Variants in CDH11 observed in about 807,000 individuals in gnomAD.
CDH11 encodes the protein cadherin 11.
In CDH11, 11 loss-of-function variants were observed where a neutral mutation model predicts 67.8. The ratio of observed to expected loss-of-function variants is 0.16; its 90% confidence interval spans 0.10 to 0.27. CDH11 has a LOEUF of 0.27. Ranked by LOEUF, CDH11 falls within the 10% of genes least tolerant of loss-of-function variation. The pLI is 1.00. For synonymous variants in CDH11, 419 were observed against 400.0 expected (o/e 1.05, Z -0.57); for missense variants, 847 against 1,031.2 (o/e 0.82, Z 2.45).
chr16:65,032,791 C>A (rs1425150362), intron 2 of CDH11, among the ~76,000 whole-genome samples: 1 of 152,174 alleles, frequency 6.6e-6, no homozygotes, highest in Non-Finnish European at 1.5e-5. Flanking sequence ...GTTGCAGTGG[C>A]GTTATACTTG....
At position 65,053,880 on chromosome 16, in the gene CDH11, C is replaced by A. The variant is rs1405589277; in HGVS notation, c.-249G>T. Reference sequence around the variant, plus strand: ...ATCTGATTGGTCACTCAACAAATGACAACACGAAGGAATGTCACAGGGCCG... The same window carrying A: ...ATCTGATTGGTCACTCAACAAATGAAAACACGAAGGAATGTCACAGGGCCG... On this transcript the variant is annotated 5_prime_UTR_variant, in exon 2 of 13. Coordinates refer to ENST00000268603, the MANE Select transcript of CDH11 (RefSeq NM_001797.4). 1 of 456,028 alleles carries A rather than the reference C, an allele frequency of 2.2e-6. No homozygotes were observed. The highest frequency in any genetic ancestry group is 1.5e-5 in the South Asian group (1 of 64,562). 28.2% of individuals were successfully genotyped at this position (456,028 alleles called of 1,614,324 possible).
intron 2 of CDH11, among the ~76,000 whole-genome samples, chr16:65,042,345 G>A (rs193041195): frequency 6.6e-6 from 1 of 152,310 alleles, no homozygotes; most frequent in East Asian, 1.9e-4. Flanking sequence ...ATGACTACAG[G>A]GTGGGTGGAG....
At chr16:65,115,424 A>C (rs1209297499) in intron 1 of CDH11, among the ~76,000 whole-genome samples, 1 of 152,188 alleles carries the variant, frequency 6.6e-6, no homozygotes, top group Non-Finnish European at 1.5e-5. Context: ...AATGGATAAG[A>C]AAGAACTGCT....
intron 2 of CDH11, among the ~76,000 whole-genome samples, chr16:65,025,201 TC>T (rs2073507409): frequency 6.6e-6 from 1 of 152,176 alleles, no homozygotes. Flanking sequence ...CCTCCCTCAT[TC>T]CTAAGTTAAT....
chr16:65,016,082 T>C (rs1388638299), intron 2 of CDH11, among the ~76,000 whole-genome samples: 1 of 152,190 alleles, frequency 6.6e-6, no homozygotes, highest in East Asian at 1.9e-4. Flanking sequence ...AGGACTTCTT[T>C]CTAATGTACC....
intron 1 of CDH11, among the ~76,000 whole-genome samples, chr16:65,089,360 T>A (rs2074754406): frequency 6.6e-6 from 1 of 152,180 alleles, no homozygotes; most frequent in African/African-American, 2.4e-5. Context: ...TAACCAGCGA[T>A]ACCAAAAAAT....
At position 65,115,528 on chromosome 16, in the gene CDH11, G is replaced by A. The variant is rs137921885; in HGVS notation, c.-298+6352C>T. ...ACACTGAAGGCTCATCGTGAGCTAG[G>A]CCTTGCACTAAATTCTCATTTTATC... On this transcript the variant is annotated intron_variant, in intron 1 of 12. Transcript: ENST00000268603. Among the ~76,000 whole-genome samples, 692 of 152,104 alleles carry A rather than the reference G, an allele frequency of 4.5e-3. 1 individual carries two copies. Among genetic ancestry groups the A allele is most frequent in the Non-Finnish European group, 7.6e-3 (520 of 67,992 alleles).
At chr16:65,007,515 A>T (rs570492333) in intron 2 of CDH11, among the ~76,000 whole-genome samples, 4 of 152,204 alleles carry the variant, frequency 2.6e-5, no homozygotes, top group Non-Finnish European at 4.4e-5. Flanking sequence ...TGGAAAGAGC[A>T]CAAAGAAGGC....
chr16:64,953,645 T>C (rs1227201210), intron 11 of CDH11, among the ~76,000 whole-genome samples: 1 of 152,210 alleles, frequency 6.6e-6, no homozygotes, highest in Non-Finnish European at 1.5e-5. Context: ...CATTGTTCCA[T>C]ACTTAGCAAT....
At chr16:65,029,331 C>T (rs2073594296) in intron 2 of CDH11, among the ~76,000 whole-genome samples, 1 of 151,716 alleles carries the variant, frequency 6.6e-6, no homozygotes, top group Admixed American at 6.6e-5. Flanking sequence ...GTTCGCAGGG[C>T]CATTAAAAAA....
Position 64,946,982 on chromosome 16 carries a change from G to C in CDH11, c.*621C>G. 1 of 967,416 alleles carries C rather than the reference G, an allele frequency of 1.0e-6. No homozygotes were observed. Among genetic ancestry groups the C allele is most frequent in the Non-Finnish European group, 1.2e-6 (1 of 801,470 alleles). The allele number at this position is 967,416 out of a possible 1,614,324, so 59.9% of individuals were successfully genotyped here. A position where few individuals can be genotyped will look rare whatever the true frequency, so the allele number is the denominator to read the frequency against. On this transcript the variant is annotated 3_prime_UTR_variant, in exon 13 of 13. Coordinates refer to ENST00000268603, the MANE Select transcript of CDH11 (RefSeq NM_001797.4). ...ATTAAAAATGACATAGAAATAGGGC[G>C]TCTCTCACTGAAACAAGACAGTTAT...
At chr16:64,982,021 A>G (rs758386113) in intron 8 of CDH11, 27 bp downstream of exon 8, 1 of 1,565,518 alleles carries the variant, frequency 6.4e-7, no homozygotes, top group Admixed American at 1.9e-5. Flanking sequence ...TTCCCCATCC[A>G]AGCTCTTAAA....
chr16:65,010,725 G>A (rs1051637985), intron 2 of CDH11, among the ~76,000 whole-genome samples: 6 of 151,846 alleles, frequency 4.0e-5, no homozygotes, highest in Admixed American at 3.3e-4. Flanking sequence ...TGCTTCTGGA[G>A]AAATAGAGAA....
At chr16:65,100,773 A>C (rs980198910) in intron 1 of CDH11, among the ~76,000 whole-genome samples, 23 of 151,766 alleles carry the variant, frequency 1.5e-4, no homozygotes, top group Middle Eastern at 3.4e-3. Context: ...AAAAAGAAAA[A>C]CCAAAAGATA....
At chr16:65,029,952 T>G (rs2073609974) in intron 2 of CDH11, among the ~76,000 whole-genome samples, 1 of 152,178 alleles carries the variant, frequency 6.6e-6, no homozygotes, top group Non-Finnish European at 1.5e-5. Context: ...TTGAGTTATG[T>G]CTCATGATAA....
At chr16:65,019,979 A>C (rs1597099988) in intron 2 of CDH11, among the ~76,000 whole-genome samples, 1 of 152,212 alleles carries the variant, frequency 6.6e-6, no homozygotes, top group Non-Finnish European at 1.5e-5. Flanking sequence ...TGCATGTAAA[A>C]CTCTTCCTTC....
At chr16:65,012,168 C>T (rs2073196951) in intron 2 of CDH11, among the ~76,000 whole-genome samples, 1 of 152,234 alleles carries the variant, frequency 6.6e-6, no homozygotes, top group Non-Finnish European at 1.5e-5. Flanking sequence ...TACACTTCTA[C>T]AGACAAATTT....
chr16:65,018,666 G>A (rs960501657), intron 2 of CDH11, among the ~76,000 whole-genome samples: 2 of 152,178 alleles, frequency 1.3e-5, no homozygotes. Flanking sequence ...AAGTCATAAA[G>A]AGATTACTTC....
chr16:65,031,046 T>C (rs2073633710), intron 2 of CDH11, among the ~76,000 whole-genome samples: 1 of 152,232 alleles, frequency 6.6e-6, no homozygotes, highest in Admixed American at 6.5e-5. Context: ...AATAATGTTC[T>C]CTTTCATCCT....
Sources: allele counts gnomAD v4.1 joint callset (sites outside exome capture counted in the v4.1 genomes callset), GRCh38; gene constraint gnomAD v4.1.1; transcripts MANE v1.5; gene names NCBI Gene and HGNC (gene_info 2026-07-23, HGNC 2026-07-21).